The following MRAP2 variants were observed in gnomAD, a reference collection of about 807,000 sequenced individuals.
MRAP2 encodes the protein melanocortin-2 receptor accessory protein 2.
Under a neutral mutation model 17.4 loss-of-function variants are expected in MRAP2, and 20 were observed. The observed-to-expected ratio is 1.15, with a 90% CI of 0.81 to 1.67. MRAP2 has a LOEUF of 1.67. Ranked by LOEUF, MRAP2 falls within the 40% of genes most tolerant of loss-of-function variation. MRAP2 has a pLI of 0.00. For missense variants in MRAP2, 238 were observed against 240.0 expected, an observed-to-expected ratio of 0.99 and a Z score of 0.05; for synonymous variants, 96 against 88.4, an observed-to-expected ratio of 1.09 and a Z score of -0.48.
chr6:84,079,957 T>C (rs1181416897), intron 3 of MRAP2, among the ~76,000 whole-genome samples: 1 of 152,206 alleles, frequency 6.6e-6, no homozygotes, highest in African/African-American at 2.4e-5. Flanking sequence ...GTGATGATTC[T>C]TATTAACAGG....
intron 1 of MRAP2, among the ~76,000 whole-genome samples, chr6:84,040,963 G>A (rs1282280828): frequency 1.3e-5 from 2 of 152,202 alleles, no homozygotes; most frequent in Non-Finnish European, 2.9e-5. Flanking sequence ...AGACAAAGGG[G>A]AAAATGTCTC....
intron 1 of MRAP2, among the ~76,000 whole-genome samples, chr6:84,052,569 T>C (rs1316381443): frequency 6.6e-6 from 1 of 152,178 alleles, no homozygotes; most frequent in Non-Finnish European, 1.5e-5. Context: ...AAATAATGCC[T>C]TGTGGACTTT....
intron 3 of MRAP2, among the ~76,000 whole-genome samples, chr6:84,075,550 C>G (rs1389691884): frequency 7.2e-5 from 11 of 152,312 alleles, no homozygotes; most frequent in Non-Finnish European, 1.3e-4. Flanking sequence ...ACCATTTACT[C>G]TGCATGCTGT....
At chr6:84,070,066 T>A (rs1352047499) in intron 3 of MRAP2, among the ~76,000 whole-genome samples, 1 of 152,152 alleles carries the variant, frequency 6.6e-6, no homozygotes, top group Non-Finnish European at 1.5e-5. Flanking sequence ...TTATCTTTTG[T>A]ATTTTTTTGG....
intron 1 of MRAP2, among the ~76,000 whole-genome samples, chr6:84,051,025 T>C (rs1475610477): frequency 6.6e-6 from 1 of 152,228 alleles, no homozygotes; most frequent in Non-Finnish European, 1.5e-5. Flanking sequence ...TTCTTCTTAA[T>C]GTGCTAGTCC....
the MRAP2 span, among the ~76,000 whole-genome samples, chr6:84,107,058 G>A: frequency 3.2e-4 from 48 of 152,164 alleles, no homozygotes; most frequent in African/African-American, 9.9e-4. Context: ...GCTCCAAACC[G>A]CATCCCTGTC....
chr6:84,054,907 A>G (rs2099491316), intron 1 of MRAP2, among the ~76,000 whole-genome samples: 1 of 152,232 alleles, frequency 6.6e-6, no homozygotes, highest in Non-Finnish European at 1.5e-5. Flanking sequence ...AATTAGTATC[A>G]GCAATGAACT....
chr6:84,117,651 CTGTGTGTG>C, the MRAP2 span, among the ~76,000 whole-genome samples: 31 of 105,138 alleles, frequency 2.9e-4, no homozygotes, highest in Middle Eastern at 8.8e-3. Flanking sequence ...GGGTGTGTGT[CTGTGTGTG>C]TGTGTGTGTG....
the MRAP2 span, among the ~76,000 whole-genome samples, chr6:84,110,270 A>G: frequency 2.0e-5 from 3 of 152,312 alleles, no homozygotes; most frequent in South Asian, 2.1e-4. Context: ...TGACTTTTCA[A>G]TGATCACCAT....
At chr6:84,039,452 G>A (rs2099486961) in intron 1 of MRAP2, among the ~76,000 whole-genome samples, 1 of 152,208 alleles carries the variant, frequency 6.6e-6, no homozygotes, top group South Asian at 2.1e-4. Context: ...TCCTATTGGA[G>A]AGGTGGAAAC....
At chr6:84,068,298 A>G (rs1422488628) in intron 3 of MRAP2, among the ~76,000 whole-genome samples, 2 of 152,128 alleles carry the variant, frequency 1.3e-5, no homozygotes, top group East Asian at 1.9e-4. Context: ...GCCTTATAGT[A>G]TAGTTTGAAA....
chr6:84,111,437 A>G, the MRAP2 span, among the ~76,000 whole-genome samples: 1 of 152,078 alleles, frequency 6.6e-6, no homozygotes. Flanking sequence ...AATGCTTGTG[A>G]TTCTGCACAT....
chr6:84,121,508 G>GA, the MRAP2 span, among the ~76,000 whole-genome samples: 7 of 152,316 alleles, frequency 4.6e-5, no homozygotes, highest in South Asian at 1.0e-3. Context: ...AGCTGGGTGT[G>GA]ATGGCGTGCG....
chr6:84,085,786 A>T (rs900470615), intron 3 of MRAP2, among the ~76,000 whole-genome samples: 1 of 152,260 alleles, frequency 6.6e-6, no homozygotes, highest in African/African-American at 2.4e-5. Flanking sequence ...AGTACTCTCC[A>T]CAAGGACACT....
chr6:84,063,625 C>G (rs1234446325), intron 3 of MRAP2, among the ~76,000 whole-genome samples: 1 of 151,978 alleles, frequency 6.6e-6, no homozygotes, highest in African/African-American at 2.4e-5. Flanking sequence ...AGTATTTGTT[C>G]AGTAATGGCT....
At chr6:84,049,770 C>T (rs1322589913) in intron 1 of MRAP2, among the ~76,000 whole-genome samples, 2 of 152,128 alleles carry the variant, frequency 1.3e-5, no homozygotes, top group South Asian at 4.1e-4. Flanking sequence ...CTGCTGGAAA[C>T]AAGTTGCTTA....
chr6:84,112,788 C>T, the MRAP2 span, among the ~76,000 whole-genome samples: 1 of 152,160 alleles, frequency 6.6e-6, no homozygotes, highest in East Asian at 1.9e-4. Flanking sequence ...CCCAGAGATT[C>T]TGGTACATCA....
chr6:84,111,817 C>T, the MRAP2 span, among the ~76,000 whole-genome samples: 63 of 152,108 alleles, frequency 4.1e-4, no homozygotes, highest in Non-Finnish European at 7.4e-4. Context: ...GCATGAAGGG[C>T]TGTTGAATTT....
the MRAP2 span, among the ~76,000 whole-genome samples, chr6:84,129,842 C>T: frequency 6.6e-6 from 1 of 152,120 alleles, no homozygotes; most frequent in Non-Finnish European, 1.5e-5. Flanking sequence ...TATGTGACTA[C>T]CCTTTATTTC....
Sources: allele counts gnomAD v4.1 joint callset (sites outside exome capture counted in the v4.1 genomes callset), GRCh38; gene constraint gnomAD v4.1.1; transcripts MANE v1.5; gene names NCBI Gene and HGNC (gene_info 2026-07-23, HGNC 2026-07-21).